The following ARRDC3 variants were observed in gnomAD, a reference collection of about 807,000 sequenced individuals.
The protein encoded by ARRDC3 is arrestin domain-containing protein 3.
In ARRDC3, 10 loss-of-function variants were observed where a neutral mutation model predicts 47.2. That is an observed-to-expected ratio of 0.21 (90% CI 0.13 to 0.36). The LOEUF is 0.36. Among genes scored for constraint, ARRDC3 ranks in the 10% least tolerant of loss-of-function variants. ARRDC3 has a pLI of 1.00. For synonymous variants in ARRDC3, 156 were observed against 178.3 expected (o/e 0.87, Z 1.00); for missense variants, 381 against 503.6 (o/e 0.76, Z 2.33).
chr5:91,371,528 C>A (rs564935883), intron 7 of ARRDC3, 72 bp from the exon 8 acceptor site: 2 of 1,160,928 alleles, frequency 1.7e-6, no homozygotes, highest in African/African-American at 3.1e-5. Context: ...CAAATGACTA[C>A]AATTCTGAAT....
At chr5:91,382,323 G>C (rs1227911392) in intron 1 of ARRDC3, among the ~76,000 whole-genome samples, 1 of 152,144 alleles carries the variant, frequency 6.6e-6, no homozygotes, top group Non-Finnish European at 1.5e-5. Flanking sequence ...TGAAAGAACA[G>C]TCATCAATTA....
Position 91,371,051 on chromosome 5 carries a change from C to T in ARRDC3, c.*349G>A, listed in dbSNP as rs527842629. ...AAAAGAAGCTGTAGTGACGTCGAAC[C>T]GCACAATGTAAGCATTGAGCATGTG... On this transcript the variant is annotated 3_prime_UTR_variant, in exon 8 of 8. Transcript: ENST00000265138. 12 of 219,198 alleles carry T rather than the reference C, an allele frequency of 5.5e-5. No individual in the cohort carries two copies. The highest frequency in any genetic ancestry group is 9.6e-5 in the African/African-American group (4 of 41,626). The allele number at this position is 219,198 out of a possible 1,614,324, so 13.6% of individuals were successfully genotyped here. A position where few individuals can be genotyped will look rare whatever the true frequency, so the allele number is the denominator to read the frequency against.
At chr5:91,382,108 C>T (rs1799469967) in intron 1 of ARRDC3, among the ~76,000 whole-genome samples, 1 of 152,110 alleles carries the variant, frequency 6.6e-6, no homozygotes, top group Non-Finnish European at 1.5e-5. Context: ...ATGCACGTTC[C>T]AAAGTTAGAC....
At chr5:91,379,296 A>AG in intron 1 of ARRDC3, among the ~76,000 whole-genome samples, 1 of 149,808 alleles carries the variant, frequency 6.7e-6, no homozygotes, top group South Asian at 2.1e-4. Context: ...ACGGAGTAAA[A>AG]AAAAAAAAAA....
At chr5:91,379,136 T>G (rs1321394794) in intron 1 of ARRDC3, among the ~76,000 whole-genome samples, 3 of 152,014 alleles carry the variant, frequency 2.0e-5, no homozygotes, top group Non-Finnish European at 2.9e-5. Flanking sequence ...TCTCCAACGG[T>G]TTGCTTAAAT....
chr5:91,380,961 C>T (rs914162369), intron 1 of ARRDC3: 6 of 152,232 alleles, frequency 3.9e-5, no homozygotes, highest in African/African-American at 1.2e-4. Flanking sequence ...TCTGGAGGAA[C>T]CTTTACCGGC....
intron 1 of ARRDC3, among the ~76,000 whole-genome samples, chr5:91,382,020 C>T (rs1412185603): frequency 2.0e-5 from 3 of 152,192 alleles, no homozygotes; most frequent in African/African-American, 7.2e-5. Context: ...AACCCTTTAT[C>T]TCTCTCTTCT....
chr5:91,378,160 T>G (rs1799349551), intron 2 of ARRDC3, among the ~76,000 whole-genome samples: 1 of 152,122 alleles, frequency 6.6e-6, no homozygotes, highest in South Asian at 2.1e-4. Context: ...GGGTCATATC[T>G]CTTGTGTGAC....
At chr5:91,380,053 C>T (rs1367183904) in intron 1 of ARRDC3, 1 of 152,212 alleles carries the variant, frequency 6.6e-6, no homozygotes, top group African/African-American at 2.4e-5. Flanking sequence ...CCCTTTCTTC[C>T]CTCTTCGCTC....
In ARRDC3 at chr5:91,370,782, T is replaced by C. The variant is rs1278349828; in HGVS notation, c.*618A>G. The C allele has an allele frequency of 1.3e-5, 2 of 152,598 alleles. No homozygotes were observed. The highest frequency in any genetic ancestry group is 2.9e-5 in the Non-Finnish European group (2 of 68,002). The allele number at this position is 152,598 out of a possible 1,614,324, so 9.5% of individuals were successfully genotyped here. ...AAAGGATTGGCTTGAAGGCATTTGA[T>C]GTTTGTAAATAAATCCACAATTGGA... On this transcript the variant is annotated 3_prime_UTR_variant, in exon 8 of 8. Coordinates refer to ENST00000265138, the MANE Select transcript of ARRDC3 (RefSeq NM_020801.4).
chr5:91,373,504 C>T (rs1799225883), intron 7 of ARRDC3, among the ~76,000 whole-genome samples, 180 bp downstream of exon 7: 1 of 152,114 alleles, frequency 6.6e-6, no homozygotes, highest in Non-Finnish European at 1.5e-5. Context: ...AACAGTCCTA[C>T]CTCTGCATCA....
At position 91,376,785 on chromosome 5, in the gene ARRDC3, G is replaced by C. The variant is rs988439676; in HGVS notation, c.363-17C>G. The C allele has an allele frequency of 5.0e-6, 8 of 1,591,666 alleles. No individual in the cohort carries two copies. The highest frequency in any genetic ancestry group is 6.8e-6 in the Non-Finnish European group (8 of 1,171,354). ...GCGAGTGGTCTGTGCAGAATATAAA[G>C]GTCAATATATTAATTTTATACCTCT... On this transcript the variant is annotated splice_polypyrimidine_tract_variant and intron_variant, in intron 2 of 7. Transcript: ENST00000265138.
rs1799364677 is a variant in ARRDC3 at position 91,378,705 on chromosome 5, C to T, written c.351G>A (p.Glu117=). Residue 117 remains glutamate (E), a synonymous_variant, in exon 2 of 8, where the codon GAG becomes GAA. Coordinates refer to ENST00000265138, the MANE Select transcript of ARRDC3 (RefSeq NM_020801.4). ...SGRHEYAFSF[E]LPQTPLATSF... is the part of the protein sequence containing the mutation. ...TTTATAATACTTACGTCTGTGGAAG[C>T]TCGAAGCTGAATGCATATTCATGCC... 1 of 1,587,498 alleles carries T rather than the reference C, an allele frequency of 6.3e-7. No homozygotes were observed. The highest frequency in any genetic ancestry group is 8.6e-7 in the Non-Finnish European group (1 of 1,164,292).
chr5:91,369,617 G>C lies in ARRDC3; in HGVS notation c.*1783C>G, dbSNP rs895921400. ...TTTAACCAGGTCAAGCACCAAGCCA[G>C]AGCTACTATTATTTTCAGCCACTTT... On this transcript the variant is annotated 3_prime_UTR_variant, in exon 8 of 8. Transcript: ENST00000265138. 6.6e-6 allele frequency: 1 copy of C among 152,444 alleles called. No homozygotes were observed. The highest frequency in any genetic ancestry group is 2.4e-5 in the African/African-American group (1 of 41,394). 9.4% of individuals were successfully genotyped at this position (152,444 alleles called of 1,614,324 possible). A position where few individuals can be genotyped will look rare whatever the true frequency, so the allele number is the denominator to read the frequency against.
At position 91,383,284 on chromosome 5, in the gene ARRDC3, C is replaced by T. The variant is rs779372266; in HGVS notation, c.-192G>A. The stretch of plus-strand genomic sequence containing the variant: ...GGGCAGCAGAGGCTGCTGCTCCGCG[C>T]TCCCGCTCGTCTCAGTGGTCTCCTT... On this transcript the variant is annotated 5_prime_UTR_variant, in exon 1 of 8. Coordinates refer to ENST00000265138, the MANE Select transcript of ARRDC3 (RefSeq NM_020801.4). 3 of 563,020 alleles carry T rather than the reference C, an allele frequency of 5.3e-6. No individual in the cohort carries two copies. The highest frequency in any genetic ancestry group is 3.1e-5 in the East Asian group (1 of 32,230). The allele number at this position is 563,020 out of a possible 1,614,324, so 34.9% of individuals were successfully genotyped here. A position where few individuals can be genotyped will look rare whatever the true frequency, so the allele number is the denominator to read the frequency against.
Position 91,375,511 on chromosome 5 carries a change from CT to C in ARRDC3, c.612del (p.Gly205ValfsTer36). On this transcript the variant is annotated frameshift_variant and splice_region_variant, in exon 4 of 8. Coordinates refer to ENST00000265138, the MANE Select transcript of ARRDC3 (RefSeq NM_020801.4). LOFTEE classifies it high-confidence loss of function. ...SAKIERKGYTPGESIQIFAEI... is the reference protein window; with the variant it reads ...SAKIERKGYTXGESIQIFAEI... ...TTGTGGGAATCTACCTCTTACATAC[CT>C]GGGGTATAGCCCTTCCTTTCAATTT... 1 of 1,600,604 alleles carries C rather than the reference CT, an allele frequency of 6.2e-7. No homozygotes were observed. The highest frequency in any genetic ancestry group is 8.5e-7 in the Non-Finnish European group (1 of 1,172,870).
chr5:91,382,024 C>A (rs1291585542), intron 1 of ARRDC3, among the ~76,000 whole-genome samples: 3 of 152,216 alleles, frequency 2.0e-5, no homozygotes, highest in African/African-American at 7.2e-5. Context: ...CTTTATCTCT[C>A]TCTTCTAACC....
In ARRDC3 at chr5:91,383,284, C is replaced by A. The variant is rs779372266; in HGVS notation, c.-192G>T. 10 of 563,020 alleles carry A rather than the reference C, an allele frequency of 1.8e-5. No homozygotes were observed. The highest frequency in any genetic ancestry group is 6.2e-5 in the East Asian group (2 of 32,230). The allele number at this position is 563,020 out of a possible 1,614,324, so 34.9% of individuals were successfully genotyped here. ...GGGCAGCAGAGGCTGCTGCTCCGCG[C>A]TCCCGCTCGTCTCAGTGGTCTCCTT... is the stretch of plus-strand genomic sequence containing the variant. On this transcript the variant is annotated 5_prime_UTR_variant, in exon 1 of 8. Coordinates refer to ENST00000265138, the MANE Select transcript of ARRDC3 (RefSeq NM_020801.4).
rs1799176224 is a variant in ARRDC3, at chr5:91,371,441, C to G, written c.1204G>C (p.Asp402His). The G allele has an allele frequency of 6.2e-7, 1 of 1,613,250 alleles. No individual in the cohort carries two copies. Among genetic ancestry groups the G allele is most frequent in the Middle Eastern group, 1.7e-4 (1 of 6,060 alleles). ...GATGGTCTATCATCTGCTGACTGAT[C>G]AGGATTTGGATCAATCTAGAAAGAA... is the stretch of plus-strand genomic sequence containing the variant. ...PLYSEIDPNP[D>H]QSADDRPSCP... is the part of the protein sequence containing the mutation. Residue 402 changes from aspartate to histidine, a missense_variant, in exon 8 of 8, where the codon GAT becomes CAT. By Grantham distance (81) the Asp-to-His change is moderately conservative. Coordinates refer to ENST00000265138, the MANE Select transcript of ARRDC3 (RefSeq NM_020801.4).
Sources: allele counts gnomAD v4.1 joint callset (sites outside exome capture counted in the v4.1 genomes callset), GRCh38; gene constraint gnomAD v4.1.1; transcripts MANE v1.5; gene names NCBI Gene and HGNC (gene_info 2026-07-23, HGNC 2026-07-21).